ARNT: variants seen among roughly 807,000 people sequenced by gnomAD.
The protein encoded by ARNT is aryl hydrocarbon receptor nuclear translocator, also known as class E basic helix-loop-helix protein 2.
In ARNT, 30 loss-of-function variants were observed where a neutral mutation model predicts 105.0. The ratio of observed to expected loss-of-function variants is 0.29; its 90% CI spans 0.21 to 0.39. The LOEUF is 0.39. ARNT is among the 10% of genes least tolerant of loss of function. ARNT has a pLI of 1.00. For missense variants in ARNT, 748 were observed against 978.7 expected (o/e 0.76, Z 3.15); for synonymous variants, 304 against 344.0 (o/e 0.88, Z 1.29).
chr1:150,850,622 C>T (rs1481797901), intron 3 of ARNT, among the ~76,000 whole-genome samples: 1 of 152,214 alleles, frequency 6.6e-6, no homozygotes, highest in Non-Finnish European at 1.5e-5. Flanking sequence ...GGCGTGATCT[C>T]GGCTCGCTAC....
At chr1:150,839,704 T>C (rs774226596) in intron 5 of ARNT, 50 bp from the exon 6 acceptor site, 5 of 1,552,512 alleles carry the variant, frequency 3.2e-6, no homozygotes, top group East Asian at 2.3e-5. Context: ...ATCTGGTCAT[T>C]TGGTAGCAGG....
chr1:150,817,141 C>G lies in ARNT; in HGVS notation c.1640G>C (p.Gly547Ala). 1 of 1,614,184 alleles carries G rather than the reference C, an allele frequency of 6.2e-7. No individual in the cohort carries two copies. Among genetic ancestry groups the G allele is most frequent in the Non-Finnish European group, 8.5e-7 (1 of 1,180,042 alleles). The stretch of plus-strand genomic sequence containing the variant: ...TGGATCTCTATCCTGGGCAAATAAA[C>G]CATCTGACTTCTCAAGGGGCTTGCT... ...EHSKPLEKSD[G>A]LFAQDRDPRF... The change falls in exon 17 of 22, where the codon GGT becomes GCT. Residue 547 changes from glycine to alanine, a missense_variant. By Grantham distance (60) the Gly-to-Ala change is moderately conservative (BLOSUM62 0). Around this residue, in one of 4 missense-constraint regions of ARNT, gnomAD observed 360 missense variants for 411.9 expected, o/e 0.87. Transcript: ENST00000358595.
chr1:150,873,790 T>C (rs587683434), intron 1 of ARNT, among the ~76,000 whole-genome samples: 130 of 151,892 alleles, frequency 8.6e-4, no homozygotes, highest in African/African-American at 2.6e-3. Context: ...TGTGGTGGTG[T>C]GTGTCTGTAG....
intron 3 of ARNT, 100 bp downstream of exon 3, chr1:150,852,662 C>A: frequency 7.8e-6 from 8 of 1,022,800 alleles, no homozygotes; most frequent in Non-Finnish European, 1.2e-5. Context: ...ATGAAGTACT[C>A]TCCTTAGACC....
intron 6 of ARNT, 50 bp from the exon 7 acceptor site, chr1:150,836,543 G>T: frequency 6.4e-7 from 1 of 1,552,812 alleles, no homozygotes; most frequent in Non-Finnish European, 8.7e-7. Context: ...GAAAAAACAA[G>T]TATTTCTATT....
At chr1:150,869,928 G>A (rs1667187888) in intron 1 of ARNT, among the ~76,000 whole-genome samples, 2 of 151,992 alleles carry the variant, frequency 1.3e-5, no homozygotes, top group Admixed American at 1.3e-4. Context: ...TTGCCCCCAG[G>A]CTGCCTAATG....
chr1:150,854,012 TC>T (rs1664093469), intron 2 of ARNT, among the ~76,000 whole-genome samples: 1 of 152,166 alleles, frequency 6.6e-6, no homozygotes, highest in African/African-American at 2.4e-5. Context: ...CCTTCCTGAA[TC>T]CCCTAATCTG....
In ARNT at chr1:150,816,281, G is replaced by T; in HGVS notation, c.1928C>A (p.Thr643Asn). The T allele has an allele frequency of 6.2e-7, 1 of 1,606,592 alleles. No homozygotes were observed. Among genetic ancestry groups the T allele is most frequent in the Non-Finnish European group, 8.5e-7 (1 of 1,177,880 alleles). Reference protein sequence around the residue: ...QGATPTWTPTTRSGFSAQQVA... With the variant: ...QGATPTWTPTNRSGFSAQQVA... ...TACCTGGGCAGAAAAGCCTGAGCGG[G>T]TAGTAGGGGTCCAAGTTGGGGTTGC... Residue 643 changes from threonine (T) to asparagine (N), a missense_variant, in exon 19 of 22, where the codon ACC becomes AAC. By Grantham distance (65) the Thr-to-Asn change is moderately conservative. Coordinates refer to ENST00000358595, the MANE Select transcript of ARNT (RefSeq NM_001668.4).
At chr1:150,813,044 T>C in intron 21 of ARNT, 128 bp downstream of exon 21, 1 of 1,038,508 alleles carries the variant, frequency 9.6e-7, no homozygotes, top group South Asian at 1.7e-5. Flanking sequence ...CATTTATCCC[T>C]CTCTGTCTTC....
At chr1:150,817,330 T>C in intron 16 of ARNT, 31 bp downstream of exon 16, 1 of 1,613,452 alleles carries the variant, frequency 6.2e-7, no homozygotes, top group Non-Finnish European at 8.5e-7. Context: ...AAATACTCCC[T>C]ACCCTCTTCA....
chr1:150,834,883 G>A, intron 7 of ARNT: 1 of 419,656 alleles, frequency 2.4e-6, no homozygotes, highest in Non-Finnish European at 4.5e-6. Flanking sequence ...AGGAAAAGTA[G>A]GAGTGGAAAG....
At chr1:150,866,626 T>C (rs1299568977) in intron 1 of ARNT, among the ~76,000 whole-genome samples, 5 of 152,190 alleles carry the variant, frequency 3.3e-5, no homozygotes, top group Non-Finnish European at 7.3e-5. Context: ...TCTAAGTCTT[T>C]AAATATTAAT....
At chr1:150,842,603 G>T (rs1207613837) in intron 4 of ARNT, 135 bp from the exon 5 acceptor site, 5 of 674,136 alleles carry the variant, frequency 7.4e-6, no homozygotes, top group Non-Finnish European at 1.2e-5. Flanking sequence ...GGAGAAAGAA[G>T]AGAGAAAAGG....
chr1:150,816,764 G>A, intron 18 of ARNT, 24 bp downstream of exon 18: 1 of 1,553,984 alleles, frequency 6.4e-7, no homozygotes, highest in Non-Finnish European at 8.6e-7. Context: ...GCCCTGTAAA[G>A]CAGCACATAT....
At chr1:150,869,252 C>T (rs144780356) in intron 1 of ARNT, among the ~76,000 whole-genome samples, 4 of 152,070 alleles carry the variant, frequency 2.6e-5, no homozygotes, top group Admixed American at 1.3e-4. Context: ...CTGAGGTGGG[C>T]GGATCACAAG....
intron 1 of ARNT, among the ~76,000 whole-genome samples, chr1:150,868,301 A>T (rs1298268801): frequency 1.3e-5 from 2 of 152,088 alleles, no homozygotes; most frequent in African/African-American, 4.8e-5. Context: ...AAAAGAGTCA[A>T]GACCCTGTCT....
At chr1:150,828,936 T>C (rs762248309) in intron 12 of ARNT, among the ~76,000 whole-genome samples, 157 bp downstream of exon 12, 10 of 152,348 alleles carry the variant, frequency 6.6e-5, no homozygotes, top group Non-Finnish European at 1.3e-4. Context: ...ACAGTCCTAA[T>C]AGGAAGCTGA....
chr1:150,864,773 TA>T (rs1208666006), intron 1 of ARNT, among the ~76,000 whole-genome samples: 1 of 127,948 alleles, frequency 7.8e-6, no homozygotes, highest in African/African-American at 2.7e-5. Context: ...AAAAAATAAA[TA>T]AATAAATAAA....
intron 1 of ARNT, among the ~76,000 whole-genome samples, chr1:150,862,819 G>A (rs587767304): frequency 1.3e-4 from 20 of 151,530 alleles, no homozygotes; most frequent in African/African-American, 4.1e-4. Flanking sequence ...TTGAGAGGCC[G>A]AGGCAGGCAG....
Sources: allele counts gnomAD v4.1 joint callset (sites outside exome capture counted in the v4.1 genomes callset), GRCh38; gene constraint gnomAD v4.1.1; regional missense constraint gnomAD v4.1.1; transcripts MANE v1.5; gene names NCBI Gene and HGNC (gene_info 2026-07-23, HGNC 2026-07-21).